TAFA2: variants seen among roughly 807,000 people sequenced by gnomAD.
The protein encoded by TAFA2 is chemokine-like protein TAFA-2.
Under a neutral mutation model 18.8 loss-of-function variants are expected in TAFA2, and 7 were observed. That is an observed-to-expected ratio of 0.37 (90% CI 0.21 to 0.70). TAFA2 has a LOEUF of 0.70. Ranked by LOEUF, TAFA2 falls within the 30% of genes least tolerant of loss-of-function variation. TAFA2 has a pLI of 0.53. For missense variants in TAFA2, 122 were observed against 158.1 expected, an observed-to-expected ratio of 0.77 and a Z score of 1.23; for synonymous variants, 60 against 54.2, an observed-to-expected ratio of 1.11 and a Z score of -0.47.
At chr12:61,887,703 C>T (rs11174218) in intron 1 of TAFA2, among the ~76,000 whole-genome samples, 39,488 of 148,406 alleles carry the variant, frequency 0.27, 5,386 homozygotes, top group South Asian at 0.36. Flanking sequence ...TTTGTTCTTG[C>T]GATAGTTTAC....
chr12:62,222,133 T>C (rs949535547), intron 1 of TAFA2, among the ~76,000 whole-genome samples: 1 of 152,128 alleles, frequency 6.6e-6, no homozygotes, highest in Admixed American at 6.5e-5. Context: ...CATTGCATTG[T>C]AAGAACCCTC....
chr12:61,732,292 G>T (rs952437321), intron 4 of TAFA2, among the ~76,000 whole-genome samples: 2 of 152,078 alleles, frequency 1.3e-5, no homozygotes, highest in African/African-American at 2.4e-5. Context: ...AAGGAAGAAA[G>T]TAGTAGGAGA....
At chr12:61,796,807 T>A (rs1260281424) in intron 2 of TAFA2, among the ~76,000 whole-genome samples, 1 of 152,146 alleles carries the variant, frequency 6.6e-6, no homozygotes, top group African/African-American at 2.4e-5. Flanking sequence ...TTAGTGCTGA[T>A]CAACTTTGAG....
At chr12:62,053,041 T>G (rs1882096974) in intron 1 of TAFA2, among the ~76,000 whole-genome samples, 1 of 152,188 alleles carries the variant, frequency 6.6e-6, no homozygotes, top group African/African-American at 2.4e-5. Context: ...GAATGGAGCT[T>G]CAGCCAAAAT....
intron 1 of TAFA2, among the ~76,000 whole-genome samples, chr12:62,205,186 T>C (rs1006876955): frequency 7.2e-5 from 11 of 152,316 alleles, no homozygotes; most frequent in Admixed American, 7.2e-4. Context: ...ATAGCAAAGA[T>C]GGCTGCCTGC....
At chr12:61,731,476 T>C (rs538305227) in intron 4 of TAFA2, among the ~76,000 whole-genome samples, 6 of 152,158 alleles carry the variant, frequency 3.9e-5, no homozygotes, top group African/African-American at 1.4e-4. Context: ...GTACAACACA[T>C]TTTTTGGCTT....
At chr12:61,955,653 A>ATATATATATATATG (rs1555178821) in intron 1 of TAFA2, among the ~76,000 whole-genome samples, 19 of 103,534 alleles carry the variant, frequency 1.8e-4, no homozygotes, top group African/African-American at 6.2e-4. Context: ...ATATATATAT[A>ATATATATATATATG]TATATATATA....
intron 4 of TAFA2, among the ~76,000 whole-genome samples, chr12:61,749,381 A>G (rs1346553228): frequency 6.6e-5 from 10 of 152,098 alleles, no homozygotes; most frequent in Non-Finnish European, 1.5e-5. Context: ...TCTCTTTAGT[A>G]TCTACTATGG....
intron 1 of TAFA2, among the ~76,000 whole-genome samples, chr12:62,031,900 A>T (rs1881469392): frequency 6.6e-6 from 1 of 152,166 alleles, no homozygotes; most frequent in Non-Finnish European, 1.5e-5. Context: ...ACTTTTCCAG[A>T]CCAATTTAGT....
At chr12:61,857,792 A>G in intron 2 of TAFA2, among the ~76,000 whole-genome samples, 1 of 151,702 alleles carries the variant, frequency 6.6e-6, no homozygotes, top group South Asian at 2.1e-4. Context: ...CTCTCTTTAT[A>G]TCAAAGGTGT....
chr12:61,794,622 T>G (rs574643515), intron 2 of TAFA2, among the ~76,000 whole-genome samples: 2 of 152,018 alleles, frequency 1.3e-5, no homozygotes, highest in African/African-American at 4.8e-5. Flanking sequence ...ATTGTAATCC[T>G]AACTGACACC....
At chr12:61,975,110 CTAAT>C (rs560946601) in intron 1 of TAFA2, among the ~76,000 whole-genome samples, 88 of 151,718 alleles carry the variant, frequency 5.8e-4, no homozygotes, top group Middle Eastern at 3.4e-3. Context: ...TACAGTCCAG[CTAAT>C]TAATATATAA....
At chr12:61,953,989 A>G (rs150508859) in intron 1 of TAFA2, among the ~76,000 whole-genome samples, 49 of 152,298 alleles carry the variant, frequency 3.2e-4, no homozygotes, top group African/African-American at 1.0e-3. Context: ...TATTTGTAGA[A>G]ATTAAAGACG....
At chr12:62,059,223 G>A (rs967928594) in intron 1 of TAFA2, among the ~76,000 whole-genome samples, 6 of 150,804 alleles carry the variant, frequency 4.0e-5, no homozygotes, top group Non-Finnish European at 7.4e-5. Flanking sequence ...GGGCTGAAGC[G>A]GAAAGATCCC....
At chr12:62,013,254 T>A (rs984958379) in intron 1 of TAFA2, among the ~76,000 whole-genome samples, 1 of 152,182 alleles carries the variant, frequency 6.6e-6, no homozygotes, top group African/African-American at 2.4e-5. Flanking sequence ...AAATTTGTGG[T>A]ATTTACCATA....
intron 1 of TAFA2, among the ~76,000 whole-genome samples, chr12:61,889,650 T>G (rs1290120568): frequency 6.6e-6 from 1 of 151,910 alleles, no homozygotes; most frequent in Non-Finnish European, 1.5e-5. Flanking sequence ...ACAAAATTAT[T>G]ATTTTAATAT....
intron 1 of TAFA2, among the ~76,000 whole-genome samples, chr12:62,223,470 C>A (rs1001735461): frequency 6.6e-6 from 1 of 152,096 alleles, no homozygotes; most frequent in South Asian, 2.1e-4. Flanking sequence ...AGTGCCAAGA[C>A]CATTCAATTC....
chr12:61,736,288 C>A (rs932949004), intron 4 of TAFA2, among the ~76,000 whole-genome samples: 1 of 151,984 alleles, frequency 6.6e-6, no homozygotes, highest in African/African-American at 2.4e-5. Flanking sequence ...TTCTTGTTGG[C>A]TTTCCAATGC....
intron 1 of TAFA2, among the ~76,000 whole-genome samples, chr12:61,909,039 C>T (rs1303642396): frequency 1.3e-5 from 2 of 152,268 alleles, no homozygotes; most frequent in African/African-American, 4.8e-5. Flanking sequence ...CGGACAGTTA[C>T]AAGAGATGAC....
Sources: allele counts gnomAD v4.1 joint callset (sites outside exome capture counted in the v4.1 genomes callset), GRCh38; gene constraint gnomAD v4.1.1; transcripts MANE v1.5; gene names NCBI Gene and HGNC (gene_info 2026-07-23, HGNC 2026-07-21).